SGCZ: variants seen among roughly 807,000 people sequenced by gnomAD.
SGCZ encodes the protein sarcoglycan zeta.
In SGCZ, 40 loss-of-function variants were observed where a neutral mutation model predicts 41.3. The observed-to-expected ratio is 0.97, with a 90% CI of 0.75 to 1.26. The LOEUF (loss-of-function observed/expected upper bound fraction) is 1.26. Ranked by LOEUF, SGCZ falls within the 50% of genes most tolerant of loss-of-function variation. The pLI is 0.00. For missense variants in SGCZ, 552 were observed against 369.8 expected, an observed-to-expected ratio of 1.49 and a Z score of -4.04; for synonymous variants, 206 against 137.5, an observed-to-expected ratio of 1.50 and a Z score of -3.49.
intron 2 of SGCZ, among the ~76,000 whole-genome samples, chr8:14,359,742 AGAG>A (rs778923168): frequency 1.3e-5 from 2 of 152,000 alleles, no homozygotes; most frequent in South Asian, 2.1e-4. Context: ...CCAAAAAAAC[AGAG>A]GAGGAGGGAA....
At chr8:14,913,810 C>T (rs939082818) in intron 1 of SGCZ, among the ~76,000 whole-genome samples, 3 of 152,028 alleles carry the variant, frequency 2.0e-5, no homozygotes, top group Non-Finnish European at 2.9e-5. Flanking sequence ...AGAAAGGCAG[C>T]ACATATTTCT....
chr8:15,204,234 C>T (rs1018269718), intron 1 of SGCZ, among the ~76,000 whole-genome samples: 5 of 152,214 alleles, frequency 3.3e-5, no homozygotes, highest in African/African-American at 1.2e-4. Flanking sequence ...GAGTTGGAGC[C>T]ACCAAGTACA....
chr8:14,186,558 C>T (rs1230325623), intron 4 of SGCZ, among the ~76,000 whole-genome samples: 2 of 152,176 alleles, frequency 1.3e-5, no homozygotes, highest in Non-Finnish European at 2.9e-5. Context: ...CTCCCCAACC[C>T]CTACTATAAC....
intron 1 of SGCZ, among the ~76,000 whole-genome samples, chr8:14,928,557 G>C (rs992267645): frequency 6.6e-6 from 1 of 152,094 alleles, no homozygotes; most frequent in South Asian, 2.1e-4. Flanking sequence ...CTTTAAACGT[G>C]GTGCTAATTA....
At chr8:14,606,196 G>T (rs907820289) in intron 1 of SGCZ, among the ~76,000 whole-genome samples, 1 of 151,256 alleles carries the variant, frequency 6.6e-6, no homozygotes, top group Non-Finnish European at 1.5e-5. Context: ...TGTACATATT[G>T]CCCCATGACC....
At chr8:14,287,135 A>G (rs547116050) in intron 3 of SGCZ, among the ~76,000 whole-genome samples, 1 of 69,594 alleles carries the variant, frequency 1.4e-5, no homozygotes, top group Non-Finnish European at 4.2e-5. Context: ...TAGCACATAC[A>G]GTATTTTTTA....
intron 1 of SGCZ, among the ~76,000 whole-genome samples, chr8:14,891,717 A>G (rs1028026058): frequency 1.3e-5 from 2 of 152,212 alleles, no homozygotes; most frequent in African/African-American, 4.8e-5. Flanking sequence ...AGCATGCTAC[A>G]GAGAAATCTT....
At chr8:14,699,593 C>A (rs1417161438) in intron 1 of SGCZ, among the ~76,000 whole-genome samples, 1 of 151,700 alleles carries the variant, frequency 6.6e-6, no homozygotes, top group African/African-American at 2.4e-5. Context: ...AAAGCAATTG[C>A]AGCAAAACAA....
At chr8:15,171,872 C>A (rs927560424) in intron 1 of SGCZ, among the ~76,000 whole-genome samples, 1 of 152,152 alleles carries the variant, frequency 6.6e-6, no homozygotes, top group African/African-American at 2.4e-5. Flanking sequence ...GCCAAACGAG[C>A]TGTCTTCACC....
At chr8:14,985,949 G>A (rs762513943) in intron 1 of SGCZ, among the ~76,000 whole-genome samples, 8 of 152,162 alleles carry the variant, frequency 5.3e-5, no homozygotes, top group Non-Finnish European at 1.2e-4. Flanking sequence ...CAATTACCAT[G>A]AAATTCTGAA....
At chr8:14,543,124 A>G (rs1270482359) in intron 2 of SGCZ, among the ~76,000 whole-genome samples, 1 of 151,926 alleles carries the variant, frequency 6.6e-6, no homozygotes, top group Non-Finnish European at 1.5e-5. Context: ...GTAATATAAC[A>G]TAATTATATA....
At chr8:14,283,692 G>A (rs543834120) in intron 3 of SGCZ, among the ~76,000 whole-genome samples, 2 of 152,232 alleles carry the variant, frequency 1.3e-5, no homozygotes, top group African/African-American at 2.4e-5. Context: ...TCGAACATGA[G>A]TCAGCAAGCT....
At chr8:14,642,352 G>C (rs10107731) in intron 1 of SGCZ, among the ~76,000 whole-genome samples, 22,286 of 151,430 alleles carry the variant, frequency 0.15, 2,005 homozygotes, top group Admixed American at 0.22. Context: ...TGTTAAGTCA[G>C]AAAAAGTCTA....
chr8:14,325,747 C>CACATATAT (rs1802079598), intron 2 of SGCZ, among the ~76,000 whole-genome samples: 2 of 69,460 alleles, frequency 2.9e-5, no homozygotes, highest in African/African-American at 4.5e-5. Context: ...CACACACACA[C>CACATATAT]ATATATATAT....
At chr8:14,439,638 A>G (rs141307442) in intron 2 of SGCZ, among the ~76,000 whole-genome samples, 1 of 151,960 alleles carries the variant, frequency 6.6e-6, no homozygotes, top group African/African-American at 2.4e-5. Flanking sequence ...AAAAAAATCA[A>G]TCAATATAAT....
chr8:14,655,052 A>G (rs1156558458), intron 1 of SGCZ, among the ~76,000 whole-genome samples: 2 of 151,996 alleles, frequency 1.3e-5, no homozygotes, highest in East Asian at 1.9e-4. Context: ...TTTTTTCCCC[A>G]GAGCAATTTT....
At chr8:14,188,419 T>G (rs772213978) in intron 4 of SGCZ, among the ~76,000 whole-genome samples, 1 of 144,856 alleles carries the variant, frequency 6.9e-6, no homozygotes, top group Non-Finnish European at 1.6e-5. Context: ...CCTGAAAACA[T>G]TATGTTTGGT....
chr8:14,774,302 T>C (rs1477968969), intron 1 of SGCZ, among the ~76,000 whole-genome samples: 1 of 152,174 alleles, frequency 6.6e-6, no homozygotes, highest in East Asian at 1.9e-4. Flanking sequence ...GACTTGTTAG[T>C]CTCTATAATT....
At chr8:14,366,072 T>G (rs1448731009) in intron 2 of SGCZ, among the ~76,000 whole-genome samples, 1 of 152,200 alleles carries the variant, frequency 6.6e-6, no homozygotes, top group Non-Finnish European at 1.5e-5. Flanking sequence ...TTTGATCATT[T>G]TTATCATATT....
Sources: allele counts gnomAD v4.1 joint callset (sites outside exome capture counted in the v4.1 genomes callset), GRCh38; gene constraint gnomAD v4.1.1; transcripts MANE v1.5; gene names NCBI Gene and HGNC (gene_info 2026-07-23, HGNC 2026-07-21).